NDUFAF2: variants seen among roughly 807,000 people sequenced by gnomAD.
NDUFAF2 encodes NADH:ubiquinone oxidoreductase complex assembly factor 2.
A neutral mutation model predicts 22.8 loss-of-function variants in NDUFAF2; 13 were observed. The observed-to-expected ratio is 0.57, with a 90% CI of 0.37 to 0.91. The LOEUF (loss-of-function observed/expected upper bound fraction) is 0.91. Among genes scored for constraint, NDUFAF2 ranks in the 40% least tolerant of loss-of-function variants. NDUFAF2 has a pLI of 0.01. For missense variants in NDUFAF2, 162 were observed against 195.2 expected (o/e 0.83, Z 1.01); for synonymous variants, 53 against 64.2 (o/e 0.83, Z 0.84).
intron 1 of NDUFAF2, among the ~76,000 whole-genome samples, chr5:60,979,477 T>C (rs1750947204): frequency 6.6e-6 from 1 of 152,130 alleles, no homozygotes; most frequent in African/African-American, 2.4e-5. Flanking sequence ...CAGCATAAGC[T>C]GGCCGAAAAG....
At chr5:60,960,704 A>C (rs943854654) in intron 1 of NDUFAF2, among the ~76,000 whole-genome samples, 1 of 152,220 alleles carries the variant, frequency 6.6e-6, no homozygotes, top group African/African-American at 2.4e-5. Context: ...CCATTCTTAT[A>C]AAATGAATTG....
chr5:60,945,936 C>G (rs1355825500), intron 1 of NDUFAF2, among the ~76,000 whole-genome samples: 1 of 152,164 alleles, frequency 6.6e-6, no homozygotes, highest in Non-Finnish European at 1.5e-5. Flanking sequence ...ATGCGCCTTC[C>G]TTACTACCAA....
At chr5:61,083,738 A>G (rs537213981) in intron 2 of NDUFAF2, among the ~76,000 whole-genome samples, 2 of 151,668 alleles carry the variant, frequency 1.3e-5, no homozygotes, top group South Asian at 4.2e-4. Flanking sequence ...GTGTTTCTTG[A>G]TTTTTTTGGT....
chr5:61,125,390 T>C (rs1753025050), intron 3 of NDUFAF2, among the ~76,000 whole-genome samples: 1 of 152,038 alleles, frequency 6.6e-6, no homozygotes, highest in Non-Finnish European at 1.5e-5. Context: ...TCTAGAAGAA[T>C]ACAGTGGCAG....
intron 2 of NDUFAF2, among the ~76,000 whole-genome samples, chr5:61,081,247 CATTTT>C (rs1752438559): frequency 6.6e-6 from 1 of 152,046 alleles, no homozygotes; most frequent in Non-Finnish European, 1.5e-5. Flanking sequence ...TGAAATAAAT[CATTTT>C]GAGTCTGCCA....
intron 3 of NDUFAF2, among the ~76,000 whole-genome samples, chr5:61,136,032 TATATATA>T (rs1198576435): frequency 3.7e-5 from 3 of 81,438 alleles, no homozygotes; most frequent in African/African-American, 1.2e-4. Flanking sequence ...TATATATATA[TATATATA>T]TATCTAGGGT....
chr5:61,110,799 G>C (rs1030185453), intron 3 of NDUFAF2, among the ~76,000 whole-genome samples: 1 of 151,530 alleles, frequency 6.6e-6, no homozygotes, highest in East Asian at 1.9e-4. Flanking sequence ...TCTTCATATT[G>C]TTTTCTTCAA....
intron 1 of NDUFAF2, among the ~76,000 whole-genome samples, chr5:60,949,027 G>C (rs1398756184): frequency 6.6e-6 from 1 of 151,868 alleles, no homozygotes; most frequent in Non-Finnish European, 1.5e-5. Flanking sequence ...TTAGTTTTCT[G>C]TTTGCTATTA....
intron 1 of NDUFAF2, among the ~76,000 whole-genome samples, chr5:61,028,472 A>G (rs1431825851): frequency 6.6e-6 from 1 of 152,138 alleles, no homozygotes; most frequent in Non-Finnish European, 1.5e-5. Flanking sequence ...ACCTTCTTCA[A>G]CACTTGCATT....
chr5:61,051,674 G>A (rs7720240), intron 1 of NDUFAF2, among the ~76,000 whole-genome samples: 7,139 of 152,156 alleles, frequency 0.047, 564 homozygotes, highest in African/African-American at 0.16. Flanking sequence ...ATTGAGTTTT[G>A]TATAGGGATG....
At chr5:61,003,770 A>G (rs1300286130) in intron 1 of NDUFAF2, among the ~76,000 whole-genome samples, 2 of 149,054 alleles carry the variant, frequency 1.3e-5, no homozygotes, top group African/African-American at 5.0e-5. Context: ...TCCTTCTCCC[A>G]TTTCAGCCTC....
intron 1 of NDUFAF2, among the ~76,000 whole-genome samples, chr5:61,036,406 C>T (rs1751800343): frequency 6.6e-6 from 1 of 152,186 alleles, no homozygotes; most frequent in Non-Finnish European, 1.5e-5. Context: ...TAGACTATAG[C>T]TTATATTTAG....
chr5:61,045,003 A>T (rs1751928792), intron 1 of NDUFAF2, among the ~76,000 whole-genome samples: 1 of 150,066 alleles, frequency 6.7e-6, no homozygotes, highest in Non-Finnish European at 1.5e-5. Flanking sequence ...AATTTCTTTT[A>T]TTAAAATTGT....
chr5:61,075,545 A>AT (rs1168503734), intron 2 of NDUFAF2, among the ~76,000 whole-genome samples: 4 of 152,142 alleles, frequency 2.6e-5, no homozygotes, highest in African/African-American at 9.7e-5. Flanking sequence ...ATAGTATAGA[A>AT]TTAAGATGTT....
At chr5:60,962,318 T>C (rs1247137547) in intron 1 of NDUFAF2, among the ~76,000 whole-genome samples, 3 of 151,830 alleles carry the variant, frequency 2.0e-5, no homozygotes, top group Non-Finnish European at 4.4e-5. Flanking sequence ...GAAAGCATCA[T>C]CAAGTTTTCT....
At chr5:61,088,777 C>T (rs1231510192) in intron 2 of NDUFAF2, among the ~76,000 whole-genome samples, 1 of 152,036 alleles carries the variant, frequency 6.6e-6, no homozygotes, top group Non-Finnish European at 1.5e-5. Flanking sequence ...CTGTGGATCT[C>T]TTATTTTTAT....
chr5:61,033,796 C>A, intron 1 of NDUFAF2, among the ~76,000 whole-genome samples: 1 of 151,918 alleles, frequency 6.6e-6, no homozygotes. Context: ...GGAGTTACAA[C>A]CTCAAACAAA....
At chr5:61,123,616 G>A (rs1753001696) in intron 3 of NDUFAF2, among the ~76,000 whole-genome samples, 1 of 152,096 alleles carries the variant, frequency 6.6e-6, no homozygotes, top group African/African-American at 2.4e-5. Flanking sequence ...GATCCTACTG[G>A]CATAAAACTG....
intron 1 of NDUFAF2, among the ~76,000 whole-genome samples, chr5:60,982,006 A>G (rs1750985061): frequency 6.6e-6 from 1 of 152,230 alleles, no homozygotes; most frequent in African/African-American, 2.4e-5. Flanking sequence ...ACTAAAGGAC[A>G]TCTTTGGAGA....
Sources: gnomAD v4.1 joint callset for allele counts (sites outside exome capture counted in the v4.1 genomes callset) on GRCh38, gnomAD v4.1.1 for gene constraint, MANE v1.5 for transcripts, NCBI Gene and HGNC (gene_info 2026-07-23, HGNC 2026-07-21) for gene names.